Variants in RABGAP1L observed in about 807,000 individuals in gnomAD.
RABGAP1L encodes the protein rab GTPase-activating protein 1-like.
Under a neutral mutation model 137.7 loss-of-function variants are expected in RABGAP1L, and 63 were observed. The ratio of observed to expected loss-of-function variants is 0.46; its 90% confidence interval spans 0.37 to 0.56. The LOEUF (loss-of-function observed/expected upper bound fraction) is 0.56. Among genes scored for constraint, RABGAP1L ranks in the 20% least tolerant of loss-of-function variants. The pLI is 0.00. For missense variants in RABGAP1L, 1,095 were observed against 1,244.0 expected, an observed-to-expected ratio of 0.88 and a Z score of 1.80; for synonymous variants, 431 against 433.7, an observed-to-expected ratio of 0.99 and a Z score of 0.08.
intron 10 of RABGAP1L, among the ~76,000 whole-genome samples, chr1:174,295,207 G>A (rs900741017): frequency 5.4e-4 from 82 of 151,250 alleles, no homozygotes; most frequent in Admixed American, 1.4e-3. Flanking sequence ...ATGAGCCACT[G>A]CGCCCGGACT....
At chr1:174,682,831 C>T (rs1036727407) in intron 14 of RABGAP1L, among the ~76,000 whole-genome samples, 1 of 152,178 alleles carries the variant, frequency 6.6e-6, no homozygotes, top group African/African-American at 2.4e-5. Flanking sequence ...TCCAGATGGC[C>T]TGGTTAGAAT....
At chr1:174,231,433 T>G in intron 4 of RABGAP1L, 78 bp downstream of exon 4, 1 of 1,313,284 alleles carries the variant, frequency 7.6e-7, no homozygotes, top group East Asian at 2.3e-5. Context: ...CATCATCAGG[T>G]GTAGAACTTA....
chr1:174,621,205 G>A (rs951115354), intron 13 of RABGAP1L, among the ~76,000 whole-genome samples: 1 of 152,100 alleles, frequency 6.6e-6, no homozygotes, highest in Non-Finnish European at 1.5e-5. Context: ...AATAAAAGAG[G>A]ATACAAACAA....
intron 7 of RABGAP1L, among the ~76,000 whole-genome samples, chr1:174,268,670 A>G (rs1674288479): frequency 6.6e-6 from 1 of 152,296 alleles, no homozygotes; most frequent in East Asian, 1.9e-4. Flanking sequence ...ATATTGCAGG[A>G]CATTAATACA....
intron 14 of RABGAP1L, among the ~76,000 whole-genome samples, chr1:174,668,966 A>G (rs1676979599): frequency 6.6e-6 from 1 of 152,088 alleles, no homozygotes; most frequent in Non-Finnish European, 1.5e-5. Context: ...TTTTCTTGCT[A>G]TTGATTTGAG....
chr1:174,739,909 T>C (rs1683246658), intron 17 of RABGAP1L, among the ~76,000 whole-genome samples: 1 of 152,218 alleles, frequency 6.6e-6, no homozygotes, highest in African/African-American at 2.4e-5. Context: ...AATATACTAC[T>C]GTGAAGTGGT....
chr1:174,437,850 A>T (rs1191696769), intron 13 of RABGAP1L, among the ~76,000 whole-genome samples: 2 of 152,230 alleles, frequency 1.3e-5, no homozygotes, highest in Non-Finnish European at 2.9e-5. Flanking sequence ...AGGGAAGCCC[A>T]TCAGACTAAC....
chr1:174,651,802 G>A (rs1189670782), intron 14 of RABGAP1L, among the ~76,000 whole-genome samples: 1 of 152,190 alleles, frequency 6.6e-6, no homozygotes, highest in African/African-American at 2.4e-5. Flanking sequence ...TTGCAAGTCT[G>A]TGTCTTTTAA....
At chr1:174,622,004 C>T (rs1480343558) in intron 13 of RABGAP1L, among the ~76,000 whole-genome samples, 6 of 142,488 alleles carry the variant, frequency 4.2e-5, no homozygotes, top group Admixed American at 4.0e-4. Flanking sequence ...AACAAATCTA[C>T]AAACAAAAAG....
intron 3 of RABGAP1L, among the ~76,000 whole-genome samples, chr1:174,229,200 T>C (rs960254656): frequency 6.6e-6 from 1 of 152,202 alleles, no homozygotes; most frequent in African/African-American, 2.4e-5. Flanking sequence ...TGACACTTGT[T>C]GTTGGTATGA....
At chr1:174,757,281 T>C (rs943986803) in intron 18 of RABGAP1L, among the ~76,000 whole-genome samples, 2 of 152,224 alleles carry the variant, frequency 1.3e-5, no homozygotes, top group African/African-American at 2.4e-5. Context: ...CAGAATTTCC[T>C]GTTAAATAAA....
intron 19 of RABGAP1L, among the ~76,000 whole-genome samples, chr1:174,883,127 A>G (rs1189578519): frequency 6.6e-6 from 1 of 152,080 alleles, no homozygotes; most frequent in Non-Finnish European, 1.5e-5. Flanking sequence ...CCTGGCCTCT[A>G]CTGGGGGTTT....
At chr1:174,432,959 T>C (rs952963096) in intron 13 of RABGAP1L, among the ~76,000 whole-genome samples, 1 of 152,246 alleles carries the variant, frequency 6.6e-6, no homozygotes, top group Non-Finnish European at 1.5e-5. Flanking sequence ...TTGCAGTTTC[T>C]GAAGGAAAAA....
intron 1 of RABGAP1L, among the ~76,000 whole-genome samples, chr1:174,163,854 A>G (rs1664705136): frequency 6.6e-6 from 1 of 152,128 alleles, no homozygotes; most frequent in African/African-American, 2.4e-5. Flanking sequence ...TGCCTGTTCT[A>G]AATTCAGCAA....
chr1:174,719,882 C>T (rs1389791775), intron 17 of RABGAP1L, among the ~76,000 whole-genome samples: 1 of 152,034 alleles, frequency 6.6e-6, no homozygotes. Flanking sequence ...TATATATGTA[C>T]TTTAGAAGCC....
At chr1:174,387,416 G>A (rs1330439107) in intron 12 of RABGAP1L, among the ~76,000 whole-genome samples, 1 of 152,128 alleles carries the variant, frequency 6.6e-6, no homozygotes, top group African/African-American at 2.4e-5. Context: ...AAGCATTGTA[G>A]ACCTAATGGA....
chr1:174,640,742 T>C (rs921858429), intron 14 of RABGAP1L, among the ~76,000 whole-genome samples: 4 of 151,874 alleles, frequency 2.6e-5, no homozygotes, highest in African/African-American at 9.7e-5. Context: ...CTTATTCTTT[T>C]TCTATTTGTC....
At chr1:174,329,828 T>C (rs74128350) in intron 11 of RABGAP1L, among the ~76,000 whole-genome samples, 6,938 of 151,640 alleles carry the variant, frequency 0.046, 244 homozygotes, top group Middle Eastern at 0.092. Flanking sequence ...TACCTCAACA[T>C]AAACAAGGCT....
At chr1:174,347,855 G>A (rs1246141447) in intron 11 of RABGAP1L, among the ~76,000 whole-genome samples, 1 of 152,092 alleles carries the variant, frequency 6.6e-6, no homozygotes, top group Non-Finnish European at 1.5e-5. Flanking sequence ...ATTTGCATGG[G>A]ATATCTTTTC....
Sources: gnomAD v4.1 joint callset for allele counts (sites outside exome capture counted in the v4.1 genomes callset) on GRCh38, gnomAD v4.1.1 for gene constraint, MANE v1.5 for transcripts, NCBI Gene and HGNC (gene_info 2026-07-23, HGNC 2026-07-21) for gene names.